Variants in XKR9 observed in about 807,000 individuals in gnomAD.
The protein encoded by XKR9 is XK related 9.
XKR9 carries 32 observed loss-of-function variants against 32.0 expected under a neutral mutation model. The ratio of observed to expected loss-of-function variants is 1.00; its 90% confidence interval spans 0.76 to 1.34. The LOEUF is 1.34. Among genes scored for constraint, XKR9 ranks in the 40% most tolerant of loss-of-function variants. The pLI is 0.00. For synonymous variants in XKR9, 168 were observed against 143.4 expected, an observed-to-expected ratio of 1.17 and a Z score of -1.22; for missense variants, 546 against 429.7, an observed-to-expected ratio of 1.27 and a Z score of -2.39.
the XKR9 span, among the ~76,000 whole-genome samples, chr8:71,004,325 A>G: frequency 6.6e-6 from 1 of 152,264 alleles, no homozygotes. Flanking sequence ...ACAGAGGGAA[A>G]CTATTAGCAG....
the XKR9 span, among the ~76,000 whole-genome samples, chr8:70,968,017 T>C: frequency 2.0e-5 from 3 of 152,206 alleles, no homozygotes; most frequent in East Asian, 3.8e-4. Flanking sequence ...CTGGATGATA[T>C]CCTGAAGCAT....
At chr8:70,914,174 T>A in the XKR9 span, among the ~76,000 whole-genome samples, 1 of 152,190 alleles carries the variant, frequency 6.6e-6, no homozygotes, top group Non-Finnish European at 1.5e-5. Context: ...AAGTGATCCT[T>A]CTGCCTCAGC....
chr8:70,932,972 A>T, the XKR9 span, among the ~76,000 whole-genome samples: 1 of 152,080 alleles, frequency 6.6e-6, no homozygotes, highest in Non-Finnish European at 1.5e-5. Flanking sequence ...TGTGTGTGTG[A>T]AAGTGAGTTA....
chr8:71,008,411 T>C, the XKR9 span, among the ~76,000 whole-genome samples: 1 of 152,226 alleles, frequency 6.6e-6, no homozygotes, highest in Non-Finnish European at 1.5e-5. Flanking sequence ...GCCTTCAACA[T>C]GGCAGCTATA....
At chr8:71,014,064 C>T in the XKR9 span, among the ~76,000 whole-genome samples, 1 of 152,102 alleles carries the variant, frequency 6.6e-6, no homozygotes, top group Non-Finnish European at 1.5e-5. Context: ...TGGGTTATGG[C>T]TCATTCTGTG....
the XKR9 span, among the ~76,000 whole-genome samples, chr8:70,808,822 T>A: frequency 2.6e-5 from 4 of 152,218 alleles, no homozygotes; most frequent in Non-Finnish European, 5.9e-5. Context: ...TGGAGCCCAC[T>A]GCAGCTCACG....
At chr8:70,839,506 T>C in the XKR9 span, among the ~76,000 whole-genome samples, 1 of 152,294 alleles carries the variant, frequency 6.6e-6, no homozygotes, top group South Asian at 2.1e-4. Context: ...ATTACTTTGA[T>C]GAAAGTGTGT....
chr8:70,889,404 C>G, the XKR9 span, among the ~76,000 whole-genome samples: 1 of 151,240 alleles, frequency 6.6e-6, no homozygotes. Context: ...AAACTTTTAT[C>G]GTTTCACCTT....
intron 2 of XKR9, among the ~76,000 whole-genome samples, chr8:70,764,574 G>T (rs1586889047): frequency 1.3e-5 from 2 of 151,982 alleles, no homozygotes; most frequent in Non-Finnish European, 2.9e-5. Flanking sequence ...TTAAAGAGGG[G>T]GATAAAAAAT....
At chr8:70,706,850 C>T in intron 3 of XKR9, 83 bp from the exon 4 acceptor site, 1 of 1,178,750 alleles carries the variant, frequency 8.5e-7, no homozygotes, top group Non-Finnish European at 1.2e-6. Flanking sequence ...ACACATATTC[C>T]TTTTTCCAAA....
At chr8:70,890,241 G>A in the XKR9 span, among the ~76,000 whole-genome samples, 1 of 151,726 alleles carries the variant, frequency 6.6e-6, no homozygotes, top group African/African-American at 2.4e-5. Flanking sequence ...ATAAGATCAT[G>A]CCATTTGTAA....
the XKR9 span, among the ~76,000 whole-genome samples, chr8:70,858,364 C>T: frequency 6.6e-6 from 1 of 152,076 alleles, no homozygotes; most frequent in African/African-American, 2.4e-5. Context: ...CTCCCATTCA[C>T]AATTGCTTCA....
chr8:70,943,220 T>C, the XKR9 span, among the ~76,000 whole-genome samples: 1 of 152,188 alleles, frequency 6.6e-6, no homozygotes, highest in South Asian at 2.1e-4. Context: ...AAGTGTTTCT[T>C]TAAGATCAAA....
At chr8:71,039,355 C>A in the XKR9 span, among the ~76,000 whole-genome samples, 4 of 152,178 alleles carry the variant, frequency 2.6e-5, no homozygotes, top group Admixed American at 1.3e-4. Flanking sequence ...CTACTTTAAA[C>A]ATGCTGAGAA....
At chr8:70,767,535 G>T (rs1228129463) in intron 2 of XKR9, among the ~76,000 whole-genome samples, 1 of 115,586 alleles carries the variant, frequency 8.7e-6, no homozygotes, top group Non-Finnish European at 1.6e-5. Flanking sequence ...GTCTCGCTCT[G>T]TCGCCCAGAC....
chr8:70,890,310 G>A, the XKR9 span, among the ~76,000 whole-genome samples: 2 of 151,804 alleles, frequency 1.3e-5, no homozygotes, highest in Non-Finnish European at 2.9e-5. Flanking sequence ...ACTTTCTTTT[G>A]TCTAATTGCT....
intron 2 of XKR9, among the ~76,000 whole-genome samples, chr8:70,779,827 A>G (rs1247335147): frequency 6.6e-6 from 1 of 151,992 alleles, no homozygotes; most frequent in Non-Finnish European, 1.5e-5. Context: ...TATTGTGTCT[A>G]TTTGATTCTT....
the XKR9 span, among the ~76,000 whole-genome samples, chr8:71,044,768 AAATTAT>A: frequency 1.3e-5 from 2 of 152,236 alleles, no homozygotes; most frequent in African/African-American, 4.8e-5. Context: ...GCATTGTCAC[AAATTAT>A]CCTTGAAGCT....
At chr8:70,869,610 T>C in the XKR9 span, among the ~76,000 whole-genome samples, 1 of 152,286 alleles carries the variant, frequency 6.6e-6, no homozygotes, top group East Asian at 1.9e-4. Context: ...ATCACCAAGT[T>C]TTCGTTCTTT....
Sources: gnomAD v4.1 joint callset for allele counts (sites outside exome capture counted in the v4.1 genomes callset) on GRCh38, gnomAD v4.1.1 for gene constraint, MANE v1.5 for transcripts, NCBI Gene and HGNC (gene_info 2026-07-23, HGNC 2026-07-21) for gene names.